DPP10: variants seen among roughly 807,000 people sequenced by gnomAD.
DPP10 encodes the protein dipeptidyl peptidase like 10, also known as inactive dipeptidyl peptidase 10.
DPP10 carries 33 observed loss-of-function variants against 120.9 expected under a neutral mutation model. The observed-to-expected ratio is 0.27, with a 90% confidence interval of 0.21 to 0.37. The LOEUF (loss-of-function observed/expected upper bound fraction) is 0.37. Among genes scored for constraint, DPP10 ranks in the 10% least tolerant of loss-of-function variants. The probability of loss-of-function intolerance (pLI) is 1.00; values close to 1 mark genes in which losing one functional copy is unlikely to be tolerated. For missense variants in DPP10, 816 were observed against 942.8 expected, an observed-to-expected ratio of 0.87 and a Z score of 1.76; for synonymous variants, 337 against 326.1, an observed-to-expected ratio of 1.03 and a Z score of -0.36.
At chr2:114,697,138 T>C (rs545912939) in intron 1 of DPP10, among the ~76,000 whole-genome samples, 1 of 152,174 alleles carries the variant, frequency 6.6e-6, no homozygotes, top group Non-Finnish European at 1.5e-5. Context: ...ATAGGAATAT[T>C]GTTGAGCTGC....
At chr2:114,504,422 C>T (rs1203004762) in intron 1 of DPP10, among the ~76,000 whole-genome samples, 2 of 152,096 alleles carry the variant, frequency 1.3e-5, no homozygotes, top group Admixed American at 1.3e-4. Context: ...ATGTTAACTT[C>T]CTGCCCCTCC....
At chr2:114,616,505 C>A (rs879257680) in intron 1 of DPP10, among the ~76,000 whole-genome samples, 4 of 152,080 alleles carry the variant, frequency 2.6e-5, no homozygotes, top group Non-Finnish European at 5.9e-5. Flanking sequence ...AGCCTGGATT[C>A]CAGTCTAACC....
chr2:115,251,384 C>T (rs752059102), intron 1 of DPP10, among the ~76,000 whole-genome samples: 1 of 152,122 alleles, frequency 6.6e-6, no homozygotes, highest in African/African-American at 2.4e-5. Context: ...CACTCTCTGC[C>T]ACTTTTTCAG....
intron 5 of DPP10, among the ~76,000 whole-genome samples, chr2:115,663,807 C>A (rs1282478938): frequency 6.6e-6 from 1 of 151,978 alleles, no homozygotes; most frequent in African/African-American, 2.4e-5. Context: ...GCAGCCTGAT[C>A]AACATGGTGA....
At chr2:114,663,040 T>C (rs1380786320) in intron 1 of DPP10, among the ~76,000 whole-genome samples, 1 of 152,048 alleles carries the variant, frequency 6.6e-6, no homozygotes, top group Non-Finnish European at 1.5e-5. Flanking sequence ...GTACTGTTTT[T>C]CAAATAAAGA....
intron 1 of DPP10, among the ~76,000 whole-genome samples, chr2:115,088,771 C>T (rs200835764): frequency 1.3e-5 from 1 of 74,352 alleles, no homozygotes; most frequent in Non-Finnish European, 3.2e-5. Context: ...AAAAAAAAAC[C>T]AAAAAACAAA....
At chr2:114,717,575 A>C (rs1206014796) in intron 1 of DPP10, among the ~76,000 whole-genome samples, 1 of 152,226 alleles carries the variant, frequency 6.6e-6, no homozygotes, top group Non-Finnish European at 1.5e-5. Flanking sequence ...TAAACCTTTA[A>C]AAATAATGTA....
At chr2:115,499,289 C>T (rs2076559621) in intron 3 of DPP10, among the ~76,000 whole-genome samples, 1 of 152,022 alleles carries the variant, frequency 6.6e-6, no homozygotes, top group Admixed American at 6.6e-5. Flanking sequence ...CCTGAGTGGC[C>T]CTCATACTAA....
chr2:114,626,215 A>G (rs1047029166), intron 1 of DPP10, among the ~76,000 whole-genome samples: 1 of 151,856 alleles, frequency 6.6e-6, no homozygotes, highest in Non-Finnish European at 1.5e-5. Context: ...CACCAATATA[A>G]TTATCAAAAA....
intron 1 of DPP10, among the ~76,000 whole-genome samples, chr2:114,953,275 G>A (rs1398827188): frequency 6.6e-6 from 1 of 151,948 alleles, no homozygotes; most frequent in Non-Finnish European, 1.5e-5. Flanking sequence ...ATCCCATAAG[G>A]CACTTAGTTA....
chr2:115,169,427 T>A (rs1412397200), intron 1 of DPP10, among the ~76,000 whole-genome samples: 11 of 150,068 alleles, frequency 7.3e-5, no homozygotes. Flanking sequence ...TTATCAAATA[T>A]ATACACACTA....
intron 5 of DPP10, among the ~76,000 whole-genome samples, chr2:115,582,641 A>G (rs2082065808): frequency 6.6e-6 from 1 of 152,212 alleles, no homozygotes; most frequent in African/African-American, 2.4e-5. Context: ...TGTCATTGTC[A>G]GTAGCCATCA....
intron 2 of DPP10, among the ~76,000 whole-genome samples, chr2:115,325,723 CA>C (rs1275580641): frequency 6.6e-6 from 1 of 151,560 alleles, no homozygotes; most frequent in Non-Finnish European, 1.5e-5. Context: ...TTATGTTTTT[CA>C]AAACAAAAAA....
intron 3 of DPP10, among the ~76,000 whole-genome samples, chr2:115,409,006 T>G (rs2068736701): frequency 6.6e-6 from 1 of 151,778 alleles, no homozygotes; most frequent in Non-Finnish European, 1.5e-5. Context: ...AAACAGTAAC[T>G]AAAATTTGTC....
chr2:115,774,203 C>T (rs1681813043), intron 13 of DPP10, among the ~76,000 whole-genome samples: 1 of 53,800 alleles, frequency 1.9e-5, no homozygotes, highest in South Asian at 1.2e-3. Context: ...GTCTTTAAAA[C>T]ACACATACAC....
At chr2:115,560,627 T>A (rs2080585993) in intron 5 of DPP10, among the ~76,000 whole-genome samples, 1 of 150,536 alleles carries the variant, frequency 6.6e-6, no homozygotes, top group African/African-American at 2.4e-5. Context: ...ATTTTTTTTT[T>A]ATTCTGAGAC....
chr2:115,657,022 T>G (rs1227697826), intron 5 of DPP10, among the ~76,000 whole-genome samples: 1 of 151,688 alleles, frequency 6.6e-6, no homozygotes, highest in Non-Finnish European at 1.5e-5. Flanking sequence ...TAAGACAGTA[T>G]TGTGCACTTT....
intron 5 of DPP10, among the ~76,000 whole-genome samples, chr2:115,667,940 T>C (rs1241237098): frequency 7.9e-5 from 12 of 152,186 alleles, no homozygotes; most frequent in Non-Finnish European, 1.3e-4. Context: ...TATATTAAAT[T>C]TCACAGGTGG....
intron 7 of DPP10, among the ~76,000 whole-genome samples, chr2:115,717,791 T>G (rs371868613): frequency 6.6e-6 from 1 of 152,172 alleles, no homozygotes; most frequent in Non-Finnish European, 1.5e-5. Context: ...CCTTGCTGGA[T>G]GCTGAGGGTC....
Sources: gnomAD v4.1 joint callset for allele counts (sites outside exome capture counted in the v4.1 genomes callset) on GRCh38, gnomAD v4.1.1 for gene constraint, MANE v1.5 for transcripts, NCBI Gene and HGNC (gene_info 2026-07-23, HGNC 2026-07-21) for gene names.